Variants in CNTNAP2 observed in about 807,000 individuals in gnomAD.
CNTNAP2 encodes the protein contactin-associated protein-like 2.
In CNTNAP2, 98 loss-of-function variants were observed where a neutral mutation model predicts 155.2. That is an observed-to-expected ratio of 0.63 (90% CI 0.54 to 0.75). CNTNAP2 has a LOEUF of 0.75. Ranked by LOEUF, CNTNAP2 falls within the 30% of genes least tolerant of loss-of-function variation. CNTNAP2 has a pLI of 0.00. For synonymous variants in CNTNAP2, 651 were observed against 631.2 expected (o/e 1.03, Z -0.47); for missense variants, 1,727 against 1,688.1 (o/e 1.02, Z -0.40).
At chr7:147,943,031 C>T (rs1800753966) in intron 14 of CNTNAP2, among the ~76,000 whole-genome samples, 1 of 150,500 alleles carries the variant, frequency 6.6e-6, no homozygotes, top group Non-Finnish European at 1.5e-5. Context: ...AGCGAGACTC[C>T]ATCTCAAAAA....
intron 21 of CNTNAP2, among the ~76,000 whole-genome samples, chr7:148,282,038 T>A (rs1796983161): frequency 6.6e-6 from 1 of 152,072 alleles, no homozygotes; most frequent in Non-Finnish European, 1.5e-5. Context: ...TGAGCCAGGA[T>A]GGTCTCGATC....
intron 1 of CNTNAP2, among the ~76,000 whole-genome samples, chr7:146,272,125 TC>T (rs1800092000): frequency 6.6e-6 from 1 of 152,286 alleles, no homozygotes; most frequent in Admixed American, 6.5e-5. Flanking sequence ...GACTCACAGT[TC>T]AGAATGGCTG....
intron 1 of CNTNAP2, among the ~76,000 whole-genome samples, chr7:146,391,248 A>G (rs1795539516): frequency 6.6e-6 from 1 of 151,662 alleles, no homozygotes; most frequent in Non-Finnish European, 1.5e-5. Context: ...GAGAAGCATG[A>G]TCTGGGGTGA....
intron 1 of CNTNAP2, among the ~76,000 whole-genome samples, chr7:146,716,491 T>C (rs977582622): frequency 1.1e-4 from 17 of 152,244 alleles, no homozygotes; most frequent in African/African-American, 3.9e-4. Flanking sequence ...TGTGCTTTGC[T>C]GCAATACAAA....
chr7:147,480,119 C>T (rs994833601), intron 10 of CNTNAP2, among the ~76,000 whole-genome samples: 18 of 151,780 alleles, frequency 1.2e-4, no homozygotes, highest in African/African-American at 3.9e-4. Flanking sequence ...CTGAGAGTCA[C>T]GAGTATGAAA....
chr7:147,749,346 A>G (rs189350669), intron 13 of CNTNAP2, among the ~76,000 whole-genome samples: 1 of 152,342 alleles, frequency 6.6e-6, no homozygotes, highest in Admixed American at 6.5e-5. Flanking sequence ...GTCGTAGTCC[A>G]TAATCAATGT....
chr7:147,642,011 C>CGTGT (rs3053478), intron 13 of CNTNAP2, among the ~76,000 whole-genome samples: 37,891 of 149,560 alleles, frequency 0.25, 4,953 homozygotes, highest in Middle Eastern at 0.3. Context: ...TGTGTGTGTG[C>CGTGT]GTGTGTGTGT....
At chr7:147,044,686 T>C (rs895932553) in intron 4 of CNTNAP2, among the ~76,000 whole-genome samples, 2 of 152,164 alleles carry the variant, frequency 1.3e-5, no homozygotes, top group African/African-American at 4.8e-5. Context: ...ACATATGAAT[T>C]TGGGGGATTA....
chr7:147,860,721 T>C (rs1189729823), intron 13 of CNTNAP2, among the ~76,000 whole-genome samples: 3 of 152,128 alleles, frequency 2.0e-5, no homozygotes, highest in Admixed American at 2.0e-4. Context: ...TCCTCAGCCA[T>C]GAGGAACTGG....
At chr7:147,875,621 A>T (rs1357400590) in intron 13 of CNTNAP2, among the ~76,000 whole-genome samples, 2 of 152,156 alleles carry the variant, frequency 1.3e-5, no homozygotes, top group Non-Finnish European at 2.9e-5. Context: ...GACCAGGCAC[A>T]ATGGCTCATA....
At chr7:147,283,958 A>G (rs1269901904) in intron 8 of CNTNAP2, among the ~76,000 whole-genome samples, 2 of 151,532 alleles carry the variant, frequency 1.3e-5, no homozygotes, top group Non-Finnish European at 3.0e-5. Context: ...CTTTACTAAG[A>G]TACAATATTC....
chr7:146,491,618 G>A (rs776441347), intron 1 of CNTNAP2, among the ~76,000 whole-genome samples: 6 of 152,102 alleles, frequency 3.9e-5, no homozygotes, highest in Non-Finnish European at 5.9e-5. Context: ...TAATTGGAGA[G>A]CGTTTTTAGA....
chr7:146,162,361 C>A (rs1389174279), intron 1 of CNTNAP2, among the ~76,000 whole-genome samples: 2 of 152,164 alleles, frequency 1.3e-5, no homozygotes, highest in Non-Finnish European at 2.9e-5. Flanking sequence ...TGAACAGACA[C>A]TTCTCAAAAG....
At chr7:148,128,810 C>T (rs1804767386) in intron 16 of CNTNAP2, among the ~76,000 whole-genome samples, 1 of 152,178 alleles carries the variant, frequency 6.6e-6, no homozygotes, top group Non-Finnish European at 1.5e-5. Flanking sequence ...CATCTCTCTA[C>T]AGATTCTAGA....
At chr7:148,128,058 C>T (rs377271338) in intron 16 of CNTNAP2, among the ~76,000 whole-genome samples, 6 of 152,166 alleles carry the variant, frequency 3.9e-5, no homozygotes, top group South Asian at 2.1e-4. Flanking sequence ...TTTGTGGAGA[C>T]GGGGTTTCGC....
intron 13 of CNTNAP2, among the ~76,000 whole-genome samples, chr7:147,692,760 T>C (rs1359021747): frequency 6.6e-6 from 1 of 152,094 alleles, no homozygotes; most frequent in East Asian, 1.9e-4. Context: ...CTCTATCAGA[T>C]GTCTTTTGCG....
At chr7:147,593,099 T>C (rs1800769624) in intron 12 of CNTNAP2, among the ~76,000 whole-genome samples, 1 of 152,068 alleles carries the variant, frequency 6.6e-6, no homozygotes, top group African/African-American at 2.4e-5. Context: ...ACATTACCCT[T>C]GAGGCAACCT....
chr7:147,057,787 T>C lies in CNTNAP2; in HGVS notation c.550+13733T>C, dbSNP rs562323174. 2.6e-5 allele frequency among the ~76,000 whole-genome samples: 4 copies of C among 152,330 alleles called. No homozygotes were observed. The South Asian group carries it at 6.2e-4, about 24-fold the overall frequency. On this transcript the variant is annotated intron_variant, in intron 4 of 23. Coordinates refer to ENST00000361727, the MANE Select transcript of CNTNAP2 (RefSeq NM_014141.6). ...AAGGAAAATTGACACATTGTAAGAA[T>C]TGACTCAACATTCATTTGATTTATA... is the stretch of plus-strand genomic sequence containing the variant.
At chr7:146,236,190 A>G (rs1269316810) in intron 1 of CNTNAP2, among the ~76,000 whole-genome samples, 1 of 152,172 alleles carries the variant, frequency 6.6e-6, no homozygotes, top group Non-Finnish European at 1.5e-5. Context: ...AGAATTAAAT[A>G]GAAGTAAGAG....
Sources: allele counts gnomAD v4.1 joint callset (sites outside exome capture counted in the v4.1 genomes callset), GRCh38; gene constraint gnomAD v4.1.1; transcripts MANE v1.5; gene names NCBI Gene and HGNC (gene_info 2026-07-23, HGNC 2026-07-21).